The following C8orf88 variants were observed in gnomAD, a reference collection of about 807,000 sequenced individuals.
C8orf88 encodes the protein uncharacterized protein C8orf88.
A neutral mutation model predicts 18.4 loss-of-function variants in C8orf88; 14 were observed. The observed-to-expected ratio is 0.76, with a 90% confidence interval of 0.50 to 1.19. C8orf88 has a LOEUF of 1.19. C8orf88 is among the 50% of genes most tolerant of loss of function. The probability of loss-of-function intolerance (pLI) is 0.00; values close to 1 mark genes in which losing one functional copy is unlikely to be tolerated. For synonymous variants in C8orf88, 45 were observed against 42.9 expected (o/e 1.05, Z -0.19); for missense variants, 116 against 134.7 (o/e 0.86, Z 0.69).
rs558486259 is a variant in C8orf88, at chr8:90,975,920, C to A, written c.147+2659G>T. On this transcript the variant is annotated intron_variant, in intron 3 of 5. Transcript: ENST00000517562. Reference sequence around the variant, plus strand: ...ACTGTTGTATATTTAAAGTAGGACACTATTCCACATTAAAAAAAAAAAACA... The same window carrying A: ...ACTGTTGTATATTTAAAGTAGGACAATATTCCACATTAAAAAAAAAAAACA... Among the ~76,000 whole-genome samples, 6 of 134,270 alleles carry A rather than the reference C, an allele frequency of 4.5e-5. No homozygotes were observed. In the East Asian group the frequency reaches 1.2e-3, roughly 27 times the overall value. 88.1% of individuals were successfully genotyped at this position (134,270 alleles called of 152,430 possible).
chr8:90,980,218 T>A (rs1811413041), intron 2 of C8orf88, 145 bp downstream of exon 2: 1 of 467,320 alleles, frequency 2.1e-6, no homozygotes, highest in African/African-American at 2.0e-5. Context: ...TAAGAATCTT[T>A]CTCCTTCAGT....
chr8:90,970,663 C>T (rs1301150112), intron 4 of C8orf88, among the ~76,000 whole-genome samples: 1 of 152,044 alleles, frequency 6.6e-6, no homozygotes. Context: ...ACTTCCTTTC[C>T]CCTTTCCTCC....
chr8:90,985,375 C>T (rs1281873611), upstream of C8orf88: 3 of 151,948 alleles, frequency 2.0e-5, no homozygotes, highest in East Asian at 1.9e-4. Context: ...AGCCGCACCC[C>T]TGCCGGGGTA....
intron 4 of C8orf88, among the ~76,000 whole-genome samples, chr8:90,967,275 C>G (rs145304079): frequency 6.6e-6 from 1 of 151,808 alleles, no homozygotes; most frequent in African/African-American, 2.4e-5. Flanking sequence ...CCCACTTGGA[C>G]ATGGTATATA....
intron 1 of C8orf88, among the ~76,000 whole-genome samples, chr8:90,983,298 A>G (rs1004863249): frequency 1.3e-5 from 2 of 152,176 alleles, no homozygotes; most frequent in Admixed American, 6.5e-5. Flanking sequence ...AAAACTTTCT[A>G]TTAATACATA....
intron 5 of C8orf88, chr8:90,959,297 T>TAA: frequency 4.8e-6 from 1 of 207,936 alleles, no homozygotes; most frequent in Non-Finnish European, 9.5e-6. Context: ...TATGTATTAA[T>TAA]GTGTAAATCA....
Position 90,975,771 on chromosome 8 carries a change from A to G in C8orf88, c.147+2808T>C, listed in dbSNP as rs149432467. On this transcript the variant is annotated intron_variant, in intron 3 of 5. Transcript: ENST00000517562. ...AACAAACTTACTATATGATCTATCAATTCCACTCCTGGGTAGTATGTGTAT... is the reference window on the plus strand; with the variant it reads ...AACAAACTTACTATATGATCTATCAGTTCCACTCCTGGGTAGTATGTGTAT... 1.3e-3 allele frequency among the ~76,000 whole-genome samples: 201 copies of G among 152,226 alleles called. 2 individuals carry two copies. The highest frequency in any genetic ancestry group is 4.5e-3 in the African/African-American group (189 of 41,572).
At chr8:90,959,429 A>G (rs1239044743) in intron 5 of C8orf88, 1 of 153,080 alleles carries the variant, frequency 6.5e-6, no homozygotes, top group Non-Finnish European at 1.5e-5. Context: ...TATAGTTTAT[A>G]TAGCACTGAA....
chr8:90,974,983 C>T (rs1811327207), intron 3 of C8orf88, among the ~76,000 whole-genome samples: 1 of 151,986 alleles, frequency 6.6e-6, no homozygotes, highest in Non-Finnish European at 1.5e-5. Flanking sequence ...TTAAAATTTA[C>T]AAAAAATACC....
At chr8:90,977,249 T>A (rs11994240) in intron 3 of C8orf88, among the ~76,000 whole-genome samples, 32,843 of 152,106 alleles carry the variant, frequency 0.22, 6,189 homozygotes, top group African/African-American at 0.51. Flanking sequence ...TTTCTCATCC[T>A]CTGTCTCACC....
At position 90,960,824 on chromosome 8, in the gene C8orf88, A is replaced by T; in HGVS notation, c.248T>A (p.Phe83Tyr). The part of the protein sequence containing the change: ...KKERIKYSRD[F>Y]LLKLSSVSIC... Reference sequence around the variant, plus strand: ...GGAAACACTTGAGAGCTTCAACAGGAAATCTCTGCTGTATTTAATTCTCTC... The same window carrying T: ...GGAAACACTTGAGAGCTTCAACAGGTAATCTCTGCTGTATTTAATTCTCTC... The change falls in exon 5 of 6, where the codon TTC (phenylalanine) becomes TAC (tyrosine). Residue 83 changes from phenylalanine to tyrosine, a missense_variant. Transcript: ENST00000517562. 6.5e-7 allele frequency: 1 copy of T among 1,529,338 alleles called. No individual in the cohort carries two copies. Among genetic ancestry groups the T allele is most frequent in the Non-Finnish European group, 8.8e-7 (1 of 1,141,620 alleles). The allele number at this position is 1,529,338 out of a possible 1,614,324, so 94.7% of individuals were successfully genotyped here.
rs1239969394 is a variant in C8orf88 at position 90,978,650 on chromosome 8, C to T, written c.76G>A (p.Ala26Thr). ...PVRHLTSPPGAVFPFNFQNEY... is the reference protein window; with the variant it reads ...PVRHLTSPPGTVFPFNFQNEY... ...TTTTGAAAGTTGAAAGGGAACACTG[C>T]TCCTGTTAGGAGAGGAAGAAAACAA... The change falls in exon 3 of 6, where the codon GCA becomes ACA. Residue 26 changes from alanine (A) to threonine (T), a missense_variant and splice_region_variant. Physicochemically the swap from Ala to Thr is moderately conservative, Grantham distance 58 (BLOSUM62 0). Transcript: ENST00000517562. 10 of 1,516,468 alleles carry T rather than the reference C, an allele frequency of 6.6e-6. 1 individual carries two copies. The highest frequency in any genetic ancestry group is 8.8e-6 in the Non-Finnish European group (10 of 1,134,270). 93.9% of individuals were successfully genotyped at this position (1,516,468 alleles called of 1,614,324 possible).
intron 2 of C8orf88, among the ~76,000 whole-genome samples, chr8:90,979,577 G>A (rs184953681): frequency 6.6e-6 from 1 of 152,246 alleles, no homozygotes; most frequent in Admixed American, 6.5e-5. Context: ...ACAGAAACTG[G>A]TGCCACTTCT....
At chr8:90,969,386 A>T (rs1811252673) in intron 4 of C8orf88, among the ~76,000 whole-genome samples, 1 of 151,916 alleles carries the variant, frequency 6.6e-6, no homozygotes, top group African/African-American at 2.4e-5. Flanking sequence ...TATTGTTCAC[A>T]AGAGAAAGGT....
intron 4 of C8orf88, among the ~76,000 whole-genome samples, chr8:90,961,379 A>G (rs1482311742): frequency 6.6e-6 from 1 of 151,372 alleles, no homozygotes; most frequent in African/African-American, 2.4e-5. Context: ...GCAGATTTCA[A>G]ATCAGAAATG....
upstream of C8orf88, chr8:90,985,372 C>T (rs1199455426): frequency 6.6e-6 from 1 of 151,956 alleles, no homozygotes; most frequent in Non-Finnish European, 1.5e-5. Flanking sequence ...AGCAGCCGCA[C>T]CCCTGCCGGG....
intron 3 of C8orf88, among the ~76,000 whole-genome samples, chr8:90,974,701 GAAAT>G (rs1480834543): frequency 6.6e-6 from 1 of 151,976 alleles, no homozygotes; most frequent in African/African-American, 2.4e-5. Context: ...TTTACACAAA[GAAAT>G]AAAAAGTTCT....
chr8:90,965,525 C>T (rs951631423), intron 4 of C8orf88, among the ~76,000 whole-genome samples: 3 of 151,730 alleles, frequency 2.0e-5, no homozygotes, highest in African/African-American at 7.3e-5. Flanking sequence ...ATATATACAA[C>T]ACTTTACCCA....
intron 4 of C8orf88, among the ~76,000 whole-genome samples, chr8:90,966,708 T>C (rs1412644982): frequency 6.6e-6 from 1 of 151,910 alleles, no homozygotes; most frequent in African/African-American, 2.4e-5. Context: ...AATTTATTTT[T>C]ATTAGCTCTA....
Sources: allele counts gnomAD v4.1 joint callset (sites outside exome capture counted in the v4.1 genomes callset), GRCh38; gene constraint gnomAD v4.1.1; transcripts MANE v1.5; gene names NCBI Gene and HGNC (gene_info 2026-07-23, HGNC 2026-07-21).